EIF2D: variants seen among roughly 807,000 people sequenced by gnomAD.
EIF2D encodes the protein eukaryotic translation initiation factor 2D, also known as hepatocellular carcinoma-associated antigen 56.
A neutral mutation model predicts 77.4 loss-of-function variants in EIF2D; 56 were observed. That is an observed-to-expected ratio of 0.72 (90% CI 0.58 to 0.90). The LOEUF (loss-of-function observed/expected upper bound fraction) is 0.90. Among genes scored for constraint, EIF2D ranks in the 40% least tolerant of loss-of-function variants. The probability of loss-of-function intolerance (pLI) is 0.00; values close to 1 mark genes in which losing one functional copy is unlikely to be tolerated. For missense variants in EIF2D, 574 were observed against 706.5 expected, an observed-to-expected ratio of 0.81 and a Z score of 2.13; for synonymous variants, 230 against 271.0, an observed-to-expected ratio of 0.85 and a Z score of 1.49.
rs781906323 is a variant in EIF2D at position 206,605,465 on chromosome 1, C to T, written c.465G>A (p.Glu155=). ...AIGVAAMSTA[E]MLTSGLKGRG... is the part of the protein sequence containing the mutation. ...TTCCCTTCAGGCCTGACGTGAGCAT[C>T]TCAGCTGTGGACATGGCTGCAACTC... Residue 155 remains glutamate (E), a synonymous_variant, in exon 5 of 15, where the codon GAG becomes GAA. Transcript: ENST00000271764. 1 of 1,614,150 alleles carries T rather than the reference C, an allele frequency of 6.2e-7. No individual in the cohort carries two copies. Among genetic ancestry groups the T allele is most frequent in the East Asian group, 2.2e-5 (1 of 44,888 alleles).
At chr1:206,608,064 A>C (rs1670283829) in intron 4 of EIF2D, among the ~76,000 whole-genome samples, 172 bp downstream of exon 4, 1 of 152,258 alleles carries the variant, frequency 6.6e-6, no homozygotes, top group African/African-American at 2.4e-5. Context: ...CTGCCCAGGC[A>C]CATGGATTCC....
At chr1:206,581,898 G>C (rs61815565) in intron 2 of EIF2D, among the ~76,000 whole-genome samples, 1 of 152,094 alleles carries the variant, frequency 6.6e-6, no homozygotes, top group African/African-American at 2.4e-5. Context: ...GCCCTGTTGT[G>C]TTCCGCGGGG....
At chr1:206,586,678 C>T (rs1042626736), downstream of EIF2D, 9 of 676,070 alleles carry the variant, frequency 1.3e-5, no homozygotes, top group Non-Finnish European at 1.8e-5. Context: ...GCCCAGGCTT[C>T]GCTGATTCAG....
At chr1:206,608,102 G>A in intron 4 of EIF2D, 134 bp downstream of exon 4, 2 of 662,812 alleles carry the variant, frequency 3.0e-6, no homozygotes, top group Non-Finnish European at 5.0e-6. Context: ...TTCTCCTGCT[G>A]GCCCACTCTG....
chr1:206,583,235 T>G, intron 2 of EIF2D: 1 of 1,408,172 alleles, frequency 7.1e-7, no homozygotes, highest in Non-Finnish European at 1.0e-6. Flanking sequence ...TGAGAACTAC[T>G]ACACATCCAC....
At chr1:206,607,737 A>C (rs1348647487) in intron 4 of EIF2D, among the ~76,000 whole-genome samples, 1 of 152,242 alleles carries the variant, frequency 6.6e-6, no homozygotes, top group Non-Finnish European at 1.5e-5. Context: ...CTAAGGAGAC[A>C]TGACAACTAA....
chr1:206,581,883 G>C (rs75662155), intron 2 of EIF2D, among the ~76,000 whole-genome samples: 5,116 of 152,158 alleles, frequency 0.034, 113 homozygotes, highest in Admixed American at 0.047. Flanking sequence ...TGTCACGGAG[G>C]GGGGGCCCTG....
At chr1:206,597,741 T>G (rs148096909) in intron 11 of EIF2D, among the ~76,000 whole-genome samples, 1,690 of 150,754 alleles carry the variant, frequency 0.011, 31 homozygotes, top group African/African-American at 0.039. Flanking sequence ...GGTCAGGAGT[T>G]CAAGACTAGC....
At chr1:206,600,570 G>T in intron 7 of EIF2D, 1 of 421,208 alleles carries the variant, frequency 2.4e-6, no homozygotes, top group Non-Finnish European at 4.2e-6. Context: ...AGCCACATGT[G>T]GGTAGTAAGT....
Position 206,579,593 on chromosome 1 carries a change from ATTG to A in EIF2D, c.*254+1096_*254+1098del, listed in dbSNP as rs1276384938. On this transcript the variant is annotated intron_variant and NMD_transcript_variant, in intron 4 of 5. Transcript: ENST00000472709. The surrounding 1 kb of genome is among the most constrained non-coding windows in gnomAD (Gnocchi z 4.2). ...TGGATGAAGACCCTTGAGGTCTGGA[ATTG>A]TTGTGAGGGGTCTGTCTATTTCAGT... Among the ~76,000 whole-genome samples, 2 of 152,306 alleles carry A rather than the reference ATTG, an allele frequency of 1.3e-5. No homozygotes were observed. Among genetic ancestry groups the A allele is most frequent in the South Asian group, 2.1e-4 (1 of 4,824 alleles).
chr1:206,602,703 T>G (rs59586686), intron 6 of EIF2D: 2 of 656,078 alleles, frequency 3.0e-6, no homozygotes, highest in East Asian at 2.7e-5. Context: ...AGAAGAAACC[T>G]TGGAGGGCTT....
In EIF2D at chr1:206,584,661, A is replaced by G; in HGVS notation, c.139-3499T>C. On this transcript the variant is annotated intron_variant and NMD_transcript_variant, in intron 2 of 5. Coordinates refer to the EIF2D transcript ENST00000472709. The surrounding 1 kb of genome is among the most constrained non-coding windows in gnomAD (Gnocchi z 4.9). ...AATCCCCAGAAGTTTGCACTTTTTA[A>G]GCGGATACACAAGGACGGACAAGGT... 1 of 1,614,216 alleles carries G rather than the reference A, an allele frequency of 6.2e-7. No homozygotes were observed. Among genetic ancestry groups the G allele is most frequent in the Non-Finnish European group, 8.5e-7 (1 of 1,180,034 alleles).
rs1043259668 is a variant in EIF2D, at chr1:206,599,285, C to G, written c.1202+178G>C. ...CACGCAGAAAAGGGTGAGACCTACTCGTTCATTTAGTCCAGAGGAACTTGC... is the reference window on the plus strand; with the variant it reads ...CACGCAGAAAAGGGTGAGACCTACTGGTTCATTTAGTCCAGAGGAACTTGC... On this transcript the variant is annotated intron_variant, in intron 10 of 14. Transcript: ENST00000271764. The surrounding 1 kb of genome is among the most constrained non-coding windows in gnomAD (Gnocchi z 4.1). 6.6e-6 allele frequency among the ~76,000 whole-genome samples: 1 copy of G among 152,132 alleles called. No individual in the cohort carries two copies. Among genetic ancestry groups the G allele is most frequent in the Non-Finnish European group, 1.5e-5 (1 of 68,016 alleles).
At chr1:206,575,508 G>C (rs374301098) in intron 4 of EIF2D, among the ~76,000 whole-genome samples, 1 of 152,172 alleles carries the variant, frequency 6.6e-6, no homozygotes, top group Admixed American at 6.5e-5. Context: ...GTGGTGAGCA[G>C]TGAAAAAGTA....
intron 2 of EIF2D, 159 bp downstream of exon 2, chr1:206,611,025 C>T (rs570108908): frequency 4.6e-5 from 29 of 633,020 alleles, no homozygotes; most frequent in Non-Finnish European, 6.9e-5. Flanking sequence ...ATTGAAAGAC[C>T]CAATTCTAGG....
chr1:206,602,862 G>T (rs1034020161), intron 6 of EIF2D, 89 bp downstream of exon 6: 36 of 1,532,364 alleles, frequency 2.3e-5, no homozygotes, highest in Non-Finnish European at 2.8e-5. Context: ...GGAAGCTTAA[G>T]GGCCATTCTA....
chr1:206,607,385 T>C lies in EIF2D; in HGVS notation c.422+851A>G, dbSNP rs145614142. The stretch of plus-strand genomic sequence containing the variant: ...ACACATCAAAATGATAATGGTTATT[T>C]CTAGGAGAAAAAGATTGTGGGGTAA... On this transcript the variant is annotated intron_variant, in intron 4 of 14. Transcript: ENST00000271764. Among the ~76,000 whole-genome samples the C allele has an allele frequency of 6.8e-3, 1,035 of 152,290 alleles. 14 individuals carry two copies. Among genetic ancestry groups the C allele is most frequent in the African/African-American group, 0.024 (985 of 41,538 alleles).
At chr1:206,585,209 C>G in intron 2 of EIF2D, 3 of 1,614,114 alleles carry the variant, frequency 1.9e-6, no homozygotes, top group Non-Finnish European at 2.5e-6. Flanking sequence ...CATTGCTGAC[C>G]GCCCCCTCTA....
At chr1:206,578,659 G>A (rs781821733) in intron 4 of EIF2D, among the ~76,000 whole-genome samples, 1 of 152,138 alleles carries the variant, frequency 6.6e-6, no homozygotes, top group African/African-American at 2.4e-5. Context: ...AAGTAGGCAC[G>A]GATGTATATA....
Sources: gnomAD v4.1 joint callset for allele counts (sites outside exome capture counted in the v4.1 genomes callset) on GRCh38, gnomAD v4.1.1 for gene constraint, Gnocchi (gnomAD v3.1) non-coding constraint, MANE v1.5 for transcripts, NCBI Gene and HGNC (gene_info 2026-07-23, HGNC 2026-07-21) for gene names.